The following NOL4 variants were observed in gnomAD, a reference collection of about 807,000 sequenced individuals.
The protein encoded by NOL4 is cancer/testis antigen 125.
A neutral mutation model predicts 75.9 loss-of-function variants in NOL4; 17 were observed. That is an observed-to-expected ratio of 0.22 (90% CI 0.15 to 0.34). The LOEUF is 0.34. Among genes scored for constraint, NOL4 ranks in the 10% least tolerant of loss-of-function variants. NOL4 has a pLI of 1.00. For missense variants in NOL4, 614 were observed against 793.5 expected (o/e 0.77, Z 2.72); for synonymous variants, 292 against 289.9 (o/e 1.01, Z -0.07).
intron 1 of NOL4, among the ~76,000 whole-genome samples, chr18:34,152,749 T>G (rs773883399): frequency 6.6e-6 from 1 of 151,638 alleles, no homozygotes; most frequent in African/African-American, 2.4e-5. Flanking sequence ...ATCAGAAAAA[T>G]TATCGTGCAA....
chr18:33,908,763 A>G (rs761165471), intron 9 of NOL4, among the ~76,000 whole-genome samples: 7 of 152,176 alleles, frequency 4.6e-5, no homozygotes, highest in Non-Finnish European at 8.8e-5. Context: ...CGCATAGATA[A>G]CATGAAATTA....
intron 2 of NOL4, among the ~76,000 whole-genome samples, chr18:34,116,868 A>C (rs933612615): frequency 6.6e-6 from 1 of 152,192 alleles, no homozygotes. Context: ...TTCTTTTCTC[A>C]GTCCCAAGTA....
intron 6 of NOL4, among the ~76,000 whole-genome samples, chr18:34,014,501 GTTT>G (rs2074568650): frequency 1.3e-5 from 2 of 151,906 alleles, no homozygotes; most frequent in African/African-American, 2.4e-5. Context: ...ATAATACAGT[GTTT>G]TTAAGTATTC....
At chr18:34,195,878 CTT>C (rs1399543846) in intron 1 of NOL4, among the ~76,000 whole-genome samples, 1 of 152,064 alleles carries the variant, frequency 6.6e-6, no homozygotes, top group African/African-American at 2.4e-5. Context: ...ATGGAACAAT[CTT>C]TTATTTTTAA....
chr18:33,914,568 G>T (rs1025821372), intron 9 of NOL4, among the ~76,000 whole-genome samples: 3 of 152,110 alleles, frequency 2.0e-5, no homozygotes, highest in Admixed American at 1.3e-4. Context: ...GGAAGAGGAT[G>T]ACTGGCTAGG....
intron 5 of NOL4, among the ~76,000 whole-genome samples, chr18:34,075,664 T>A (rs1032483068): frequency 1.3e-5 from 2 of 152,202 alleles, no homozygotes; most frequent in African/African-American, 2.4e-5. Context: ...CTGCAAGTCA[T>A]GACATTAGAG....
intron 1 of NOL4, among the ~76,000 whole-genome samples, chr18:34,184,250 A>G (rs2034281586): frequency 6.6e-6 from 1 of 151,828 alleles, no homozygotes; most frequent in Admixed American, 6.6e-5. Context: ...AAATAAGATA[A>G]TTATTTATAT....
chr18:34,189,529 A>G (rs1323896693), intron 1 of NOL4, among the ~76,000 whole-genome samples: 1 of 152,294 alleles, frequency 6.6e-6, no homozygotes, highest in Admixed American at 6.5e-5. Context: ...AAGAGGCCCT[A>G]TTCTAGAACA....
chr18:33,953,274 C>T (rs1301500770), intron 8 of NOL4, among the ~76,000 whole-genome samples: 2 of 120,422 alleles, frequency 1.7e-5, no homozygotes, highest in African/African-American at 3.0e-5. Context: ...ATTTTTTCTA[C>T]CTAATTTTTT....
intron 10 of NOL4, among the ~76,000 whole-genome samples, chr18:33,867,836 A>G (rs1178057312): frequency 1.3e-5 from 2 of 152,092 alleles, no homozygotes; most frequent in Admixed American, 6.6e-5. Flanking sequence ...TTAGTCCAAG[A>G]TCCAGGAGGC....
intron 5 of NOL4, among the ~76,000 whole-genome samples, chr18:34,075,778 G>A (rs919989258): frequency 3.3e-5 from 5 of 152,120 alleles, no homozygotes; most frequent in African/African-American, 1.2e-4. Context: ...GTTACAGCTG[G>A]AAGACGAGTA....
chr18:33,985,380 A>G (rs141198325), intron 6 of NOL4, among the ~76,000 whole-genome samples: 1 of 152,088 alleles, frequency 6.6e-6, no homozygotes, highest in East Asian at 1.9e-4. Context: ...TGAGTTTCTA[A>G]ATATCTTAAT....
At chr18:34,062,303 T>G (rs1380222777) in intron 5 of NOL4, among the ~76,000 whole-genome samples, 1 of 152,016 alleles carries the variant, frequency 6.6e-6, no homozygotes, top group Non-Finnish European at 1.5e-5. Flanking sequence ...GAAAAGGGGC[T>G]GTAAAAATTT....
chr18:33,888,512 G>A (rs998511198), intron 9 of NOL4, among the ~76,000 whole-genome samples: 4 of 152,142 alleles, frequency 2.6e-5, no homozygotes, highest in Admixed American at 2.0e-4. Flanking sequence ...GTCCTGAGTG[G>A]TAGTGCCTAG....
intron 10 of NOL4, among the ~76,000 whole-genome samples, chr18:33,853,686 A>G (rs1393181320): frequency 1.3e-5 from 2 of 152,062 alleles, no homozygotes; most frequent in Non-Finnish European, 2.9e-5. Flanking sequence ...TTTGCTTTAG[A>G]AGTGCAATAA....
At position 34,164,792 on chromosome 18, in the gene NOL4, G is replaced by A. The variant is rs1218640079; in HGVS notation, c.265-34772C>T. Among the ~76,000 whole-genome samples the A allele has an allele frequency of 1.2e-4, 18 of 151,470 alleles. No individual in the cohort carries two copies. In the South Asian group the frequency reaches 1.7e-3, roughly 14 times the overall value. On this transcript the variant is annotated intron_variant, in intron 1 of 10. Transcript: ENST00000261592. ...TGCTGCTATAAAGACACATGCACAC[G>A]TATGTTTATTGCGGCACTATTCACA...
chr18:33,876,848 A>AT (rs948487052), intron 10 of NOL4, among the ~76,000 whole-genome samples: 4 of 152,044 alleles, frequency 2.6e-5, no homozygotes, highest in Non-Finnish European at 5.9e-5. Context: ...GGTAGTATAC[A>AT]TTTTTTGGGT....
chr18:34,065,170 C>T (rs897036617), intron 5 of NOL4, among the ~76,000 whole-genome samples: 3 of 151,782 alleles, frequency 2.0e-5, no homozygotes, highest in Admixed American at 2.0e-4. Context: ...AGAAATCCAG[C>T]CTAGAAGAGA....
chr18:33,952,339 T>TA (rs763572859), intron 8 of NOL4, among the ~76,000 whole-genome samples: 13 of 152,144 alleles, frequency 8.5e-5, no homozygotes, highest in Non-Finnish European at 1.6e-4. Flanking sequence ...TCCTGTGTCA[T>TA]AAAAAATTAG....
Sources: gnomAD v4.1 joint callset for allele counts (sites outside exome capture counted in the v4.1 genomes callset) on GRCh38, gnomAD v4.1.1 for gene constraint, MANE v1.5 for transcripts, NCBI Gene and HGNC (gene_info 2026-07-23, HGNC 2026-07-21) for gene names.